The following SCAP variants were observed in gnomAD, a reference collection of about 807,000 sequenced individuals.
The protein encoded by SCAP is SREBF chaperone, also known as sterol regulatory element-binding protein cleavage-activating protein.
In SCAP, 65 loss-of-function variants were observed where a neutral mutation model predicts 123.6. That is an observed-to-expected ratio of 0.53 (90% CI 0.43 to 0.65). The LOEUF (loss-of-function observed/expected upper bound fraction) is 0.65, where lower values mean the gene tolerates loss of function less well. SCAP is among the 30% of genes least tolerant of loss of function. The pLI, the probability that SCAP is intolerant of heterozygous loss-of-function variation, is 0.00. For missense variants in SCAP, 1,398 were observed against 1,712.5 expected (o/e 0.82, Z 3.24); for synonymous variants, 740 against 726.3 (o/e 1.02, Z -0.30).
At chr3:47,446,509 T>C (rs754431485) in intron 1 of SCAP, among the ~76,000 whole-genome samples, 5 of 152,074 alleles carry the variant, frequency 3.3e-5, no homozygotes, top group African/African-American at 4.8e-5. Flanking sequence ...GTTGTTGTTG[T>C]TCTTCAGTTG....
rs534828508 is a variant in SCAP, at chr3:47,427,230, C to T, written c.664G>A (p.Gly222Arg). The change falls in exon 6 of 23, where the codon GGG becomes AGG. Residue 222 changes from glycine to arginine, a missense_variant. This residue lies in a region of SCAP where 319 missense variants were observed against 432.4 expected (regional missense o/e 0.74). Transcript: ENST00000265565. ...LLFGVPGKYS[G>R]VSLYTRKRMV... ...CTCTTCCTGGTGTAGAGGCTCACCC[C>T]GCTGTACTTCCCAGGAACACCAAAT... 12 of 1,613,530 alleles carry T rather than the reference C, an allele frequency of 7.4e-6. No individual in the cohort carries two copies. The highest frequency in any genetic ancestry group is 1.6e-4 in the Middle Eastern group (1 of 6,072).
chr3:47,423,880 G>T, intron 9 of SCAP, 53 bp downstream of exon 9: 2 of 1,253,020 alleles, frequency 1.6e-6, no homozygotes, highest in Non-Finnish European at 2.3e-6. Flanking sequence ...AGAGGAACAG[G>T]CCCCATTCCA....
At chr3:47,453,305 G>A (rs1317361943) in intron 1 of SCAP, among the ~76,000 whole-genome samples, 3 of 152,122 alleles carry the variant, frequency 2.0e-5, no homozygotes, top group Non-Finnish European at 4.4e-5. Flanking sequence ...CACTTTGGGA[G>A]GCTGAGATGG....
At chr3:47,441,992 A>G (rs959068600) in intron 2 of SCAP, among the ~76,000 whole-genome samples, 1 of 147,626 alleles carries the variant, frequency 6.8e-6, no homozygotes, top group African/African-American at 2.5e-5. Context: ...AGGTATGAGC[A>G]CTGCACCTGG....
chr3:47,462,771 A>AAAAG (rs1285401601), intron 1 of SCAP, among the ~76,000 whole-genome samples: 321 of 143,488 alleles, frequency 2.2e-3, no homozygotes, highest in East Asian at 3.9e-3. Flanking sequence ...AAAAAAAAAA[A>AAAAG]AAAGAAAGAA....
In SCAP at chr3:47,427,624, C is replaced by A; in HGVS notation, c.454G>T (p.Asp152Tyr). Residue 152 changes from aspartate to tyrosine, a missense_variant, in exon 5 of 23, where the codon GAC (aspartate) becomes TAC (tyrosine). This residue lies in a region of SCAP where 319 missense variants were observed against 432.4 expected (regional missense o/e 0.74). Coordinates refer to ENST00000265565, the MANE Select transcript of SCAP (RefSeq NM_012235.4). ...AGCTTCCTAAGGCCTGGCAGCAGGT[C>A]GGTCACTTGCAGACACAACTCCTCC... The part of the protein sequence containing the change: ...SLEELCLQVT[D>Y]LLPGLRKLRN... 1 of 1,614,102 alleles carries A rather than the reference C, an allele frequency of 6.2e-7. No homozygotes were observed. Among genetic ancestry groups the A allele is most frequent in the South Asian group, 1.1e-5 (1 of 91,052 alleles).
At chr3:47,436,294 T>C (rs1161439369) in intron 2 of SCAP, among the ~76,000 whole-genome samples, 1 of 152,164 alleles carries the variant, frequency 6.6e-6, no homozygotes, top group Non-Finnish European at 1.5e-5. Flanking sequence ...GTTAAGTTAA[T>C]GGACCCGATA....
intron 3 of SCAP, chr3:47,428,944 C>T (rs772261359): frequency 2.6e-5 from 9 of 339,928 alleles, no homozygotes; most frequent in Non-Finnish European, 4.3e-5. Flanking sequence ...ATGAGCTTGC[C>T]GATGTCACAG....
intron 16 of SCAP, 94 bp downstream of exon 16, chr3:47,418,040 C>T (rs1576249684): frequency 4.5e-6 from 4 of 886,274 alleles, no homozygotes; most frequent in Non-Finnish European, 5.2e-6. Flanking sequence ...TGGGGGATAC[C>T]TCGGAGGAAG....
At chr3:47,421,413 TAGAGCCC>T (rs1705895062) in intron 10 of SCAP, 1 of 213,010 alleles carries the variant, frequency 4.7e-6, no homozygotes, top group African/African-American at 2.3e-5. Flanking sequence ...CCAACCCAGC[TAGAGCCC>T]AGGCCTGATT....
At chr3:47,418,088 AGGG>A (rs765735498) in intron 16 of SCAP, 43 bp downstream of exon 16, 1 of 1,176,920 alleles carries the variant, frequency 8.5e-7, no homozygotes, top group African/African-American at 3.7e-5. Context: ...GGGTGGGGTG[AGGG>A]GGGTTGTGGG....
intron 9 of SCAP, among the ~76,000 whole-genome samples, chr3:47,423,279 G>C (rs961578085): frequency 6.6e-6 from 1 of 152,236 alleles, no homozygotes; most frequent in Non-Finnish European, 1.5e-5. Flanking sequence ...TCTACCAGCA[G>C]GGCCAGAGGG....
chr3:47,430,781 AGG>A (rs1706325959), intron 3 of SCAP, among the ~76,000 whole-genome samples: 1 of 152,180 alleles, frequency 6.6e-6, no homozygotes, highest in Non-Finnish European at 1.5e-5. Context: ...TGTGGACTGA[AGG>A]GGGCAGGGCC....
At chr3:47,459,152 G>A (rs1707535412) in intron 1 of SCAP, among the ~76,000 whole-genome samples, 1 of 152,196 alleles carries the variant, frequency 6.6e-6, no homozygotes, top group South Asian at 2.1e-4. Flanking sequence ...CATGGGGGCA[G>A]CCTTGTCATT....
rs1458699881 is a variant in SCAP, at chr3:47,414,006, C to T, written c.3688G>A (p.Gly1230Arg). 6 of 1,613,196 alleles carry T rather than the reference C, an allele frequency of 3.7e-6. No individual in the cohort carries two copies. In the African/African-American group the frequency reaches 4.0e-5, roughly 11 times the overall value. Residue 1230 changes from glycine to arginine, a missense_variant, in exon 23 of 23, where the codon GGG (glycine) becomes AGG (arginine). This residue lies in a region of SCAP where 130 missense variants were observed against 166.7 expected (regional missense o/e 0.78). Transcript: ENST00000265565. ...GCVSFWDLNY[G>R]DLLQTVYLGK... ...AGGTAGACTGTCTGTAACAGGTCCC[C>T]GTAGTTTAGGTCCCAAAAGGAGACA...
At chr3:47,425,449 C>T in intron 8 of SCAP, 36 bp downstream of exon 8, 1 of 1,602,480 alleles carries the variant, frequency 6.2e-7, no homozygotes, top group Non-Finnish European at 8.5e-7. Context: ...GGCCTGAGCC[C>T]ACCCTGTGGC....
chr3:47,472,416 G>T (rs1708060938), intron 1 of SCAP, among the ~76,000 whole-genome samples: 1 of 149,352 alleles, frequency 6.7e-6, no homozygotes, highest in Admixed American at 6.7e-5. Flanking sequence ...AGTCCGGCCT[G>T]GGCGACAGAG....
intron 1 of SCAP, among the ~76,000 whole-genome samples, chr3:47,448,853 G>A (rs940288649): frequency 2.6e-5 from 4 of 152,154 alleles, no homozygotes; most frequent in African/African-American, 9.7e-5. Flanking sequence ...TCTGTTGGCT[G>A]TCTTTTCCCC....
chr3:47,464,068 T>C (rs1707740749), intron 1 of SCAP, among the ~76,000 whole-genome samples: 1 of 152,068 alleles, frequency 6.6e-6, no homozygotes, highest in South Asian at 2.1e-4. Flanking sequence ...CAGGCTGGAG[T>C]ACAGTGGCAT....
Sources: allele counts gnomAD v4.1 joint callset (sites outside exome capture counted in the v4.1 genomes callset), GRCh38; gene constraint gnomAD v4.1.1; regional missense constraint gnomAD v4.1.1; transcripts MANE v1.5; gene names NCBI Gene and HGNC (gene_info 2026-07-23, HGNC 2026-07-21).